Variants in PLAUR observed in about 807,000 individuals in gnomAD.
PLAUR encodes urokinase plasminogen activator surface receptor.
In PLAUR, 22 loss-of-function variants were observed where a neutral mutation model predicts 33.4. The observed-to-expected ratio is 0.66, with a 90% CI of 0.47 to 0.94. The LOEUF is 0.94. PLAUR is among the 40% of genes least tolerant of loss of function. The pLI, the probability that PLAUR is intolerant of heterozygous loss-of-function variation, is 0.00. For synonymous variants in PLAUR, 148 were observed against 167.3 expected, an observed-to-expected ratio of 0.88 and a Z score of 0.89; for missense variants, 408 against 434.7, an observed-to-expected ratio of 0.94 and a Z score of 0.55.
chr19:43,664,963 G>A (rs112216381), intron 3 of PLAUR: 1 of 286,400 alleles, frequency 3.5e-6, no homozygotes, highest in African/African-American at 2.1e-5. Flanking sequence ...AAGGATGAAA[G>A]TAATTGTGTC....
At chr19:43,657,785 A>C (rs1379909598) in intron 3 of PLAUR, among the ~76,000 whole-genome samples, 1 of 152,200 alleles carries the variant, frequency 6.6e-6, no homozygotes, top group Non-Finnish European at 1.5e-5. Flanking sequence ...TAAGATATTC[A>C]ATGCATATTT....
chr19:43,653,522 A>G (rs1220434485), intron 5 of PLAUR, among the ~76,000 whole-genome samples: 2 of 152,130 alleles, frequency 1.3e-5, no homozygotes, highest in Non-Finnish European at 2.9e-5. Flanking sequence ...ACGTCAGCAC[A>G]GCGGCTCATG....
At chr19:43,668,975 G>A (rs570047868) in intron 1 of PLAUR, among the ~76,000 whole-genome samples, 1 of 152,070 alleles carries the variant, frequency 6.6e-6, no homozygotes, top group East Asian at 1.9e-4. Flanking sequence ...CCAGTCCCTA[G>A]GCCCGGTCCC....
intron 1 of PLAUR, chr19:43,667,986 G>A (rs1035413353): frequency 8.1e-7 from 1 of 1,236,462 alleles, no homozygotes; most frequent in Non-Finnish European, 1.0e-6. Flanking sequence ...CCTGACAGTC[G>A]TATCCCCGCC....
At chr19:43,668,884 C>A (rs1057032149) in intron 1 of PLAUR, among the ~76,000 whole-genome samples, 1 of 151,498 alleles carries the variant, frequency 6.6e-6, no homozygotes, top group African/African-American at 2.4e-5. Flanking sequence ...TCCCGTAGCT[C>A]TTCCTTGAGG....
At chr19:43,668,887 C>T (rs180775081) in intron 1 of PLAUR, among the ~76,000 whole-genome samples, 3 of 151,912 alleles carry the variant, frequency 2.0e-5, no homozygotes, top group Admixed American at 1.3e-4. Context: ...CGTAGCTCTT[C>T]CTTGAGGTTC....
At chr19:43,646,662 T>G, downstream of PLAUR, 1 of 652,936 alleles carries the variant, frequency 1.5e-6, no homozygotes, top group South Asian at 1.7e-5. Flanking sequence ...TCACTCATAT[T>G]CAAGAGGCAG....
In PLAUR at chr19:43,669,925, A is replaced by G. The variant is rs1967451761; in HGVS notation, c.55+141T>C. 1.3e-5 allele frequency: 10 copies of G among 789,134 alleles called. No individual in the cohort carries two copies. In the South Asian group the frequency reaches 1.6e-4, roughly 12 times the overall value. The allele number at this position is 789,134 out of a possible 1,614,324, so 48.9% of individuals were successfully genotyped here. Reference sequence around the variant, plus strand: ...CAGGTACTGCGCCGCGTGGCGTTGCACAAAGCACGAGAATTACTATTATTT... The same window carrying G: ...CAGGTACTGCGCCGCGTGGCGTTGCGCAAAGCACGAGAATTACTATTATTT... On this transcript the variant is annotated intron_variant, in intron 1 of 6. Coordinates refer to ENST00000340093, the MANE Select transcript of PLAUR (RefSeq NM_002659.4).
At chr19:43,668,113 TCGATCTTTATGTTATAC>T in intron 1 of PLAUR, 1 of 1,009,756 alleles carries the variant, frequency 9.9e-7, no homozygotes, top group Non-Finnish European at 1.2e-6. Context: ...CCCACCCGCG[TCGATCTTTATGTTATAC>T]CGTCACTCCC....
downstream of PLAUR, among the ~76,000 whole-genome samples, chr19:43,647,938 C>CTTTT (rs564922094): frequency 1.6e-3 from 217 of 133,202 alleles, no homozygotes; most frequent in African/African-American, 5.2e-3. Context: ...TTAGAGAGCC[C>CTTTT]TTTTTTTTTT....
chr19:43,653,453 T>C (rs1974078368), intron 5 of PLAUR, among the ~76,000 whole-genome samples: 1 of 152,166 alleles, frequency 6.6e-6, no homozygotes, highest in African/African-American at 2.4e-5. Context: ...TAAGGGAGGA[T>C]ATTCATCTGC....
rs1335668371 is a variant in PLAUR, at chr19:43,667,673, C to A, written c.74G>T (p.Cys25Phe). 1 of 1,613,920 alleles carries A rather than the reference C, an allele frequency of 6.2e-7. No individual in the cohort carries two copies. Among genetic ancestry groups the A allele is most frequent in the Admixed American group, 1.7e-5 (1 of 60,018 alleles). Reference sequence around the variant, plus strand: ...ATCCCCGTTGGTCTTACACTGCATGCACCGCAGGCCCCAAGAGGCTGGGGG... The same window carrying A: ...ATCCCCGTTGGTCTTACACTGCATGAACCGCAGGCCCCAAGAGGCTGGGGG... Reference protein sequence around the residue: ...TCVPASWGLRCMQCKTNGDCR... With the variant: ...TCVPASWGLRFMQCKTNGDCR... Residue 25 changes from cysteine to phenylalanine, a missense_variant, in exon 2 of 7, where the codon TGC becomes TTC. By Grantham distance (205) the Cys-to-Phe change is radical. Coordinates refer to ENST00000340093, the MANE Select transcript of PLAUR (RefSeq NM_002659.4).
intron 3 of PLAUR, 78 bp from the exon 4 acceptor site, chr19:43,656,718 A>T: frequency 8.2e-7 from 1 of 1,217,448 alleles, no homozygotes; most frequent in East Asian, 2.5e-5. Flanking sequence ...ACTCACTCAA[A>T]ATCAATTCCT....
chr19:43,665,560 G>C, intron 2 of PLAUR, 101 bp from the exon 3 acceptor site: 1 of 1,174,960 alleles, frequency 8.5e-7, no homozygotes, highest in East Asian at 2.4e-5. Flanking sequence ...GCTGATCTCT[G>C]CTAGGCCTCT....
chr19:43,668,259 G>A (rs1967350458), intron 1 of PLAUR: 1 of 986,998 alleles, frequency 1.0e-6, no homozygotes, highest in South Asian at 4.5e-5. Context: ...GCCCTCCGGA[G>A]TTTCTATTGT....
chr19:43,663,125 T>A (rs1441714628), intron 3 of PLAUR, among the ~76,000 whole-genome samples: 1 of 152,090 alleles, frequency 6.6e-6, no homozygotes, highest in Non-Finnish European at 1.5e-5. Flanking sequence ...TCTTCCCTCA[T>A]CCCAGCCCTG....
Position 43,665,408 on chromosome 19 carries a change from G to T in PLAUR, c.218C>A (p.Thr73Asn), listed in dbSNP as rs753884538. 3.8e-5 allele frequency: 61 copies of T among 1,613,354 alleles called. No homozygotes were observed. Among genetic ancestry groups the T allele is most frequent in the Non-Finnish European group, 5.0e-5 (59 of 1,179,856 alleles). Residue 73 changes from threonine to asparagine, a missense_variant, in exon 3 of 7, where the codon ACC becomes AAC. By Grantham distance (65) the Thr-to-Asn change is moderately conservative. Coordinates refer to ENST00000340093, the MANE Select transcript of PLAUR (RefSeq NM_002659.4). The part of the protein sequence containing the change: ...VEKSCTHSEK[T>N]NRTLSYRTGL... Reference sequence around the variant, plus strand: ...AGTCCGATAGCTCAGGGTCCTGTTGGTCTTCTCTGAGTGGGTACAGCTTTT... The same window carrying T: ...AGTCCGATAGCTCAGGGTCCTGTTGTTCTTCTCTGAGTGGGTACAGCTTTT...
chr19:43,664,663 C>G (rs1215994515), intron 3 of PLAUR, among the ~76,000 whole-genome samples: 1 of 152,182 alleles, frequency 6.6e-6, no homozygotes, highest in Non-Finnish European at 1.5e-5. Flanking sequence ...CAGAGACCAT[C>G]TATTGCAGAG....
intron 3 of PLAUR, among the ~76,000 whole-genome samples, chr19:43,662,733 T>C (rs542897421): frequency 9.9e-5 from 15 of 151,794 alleles, no homozygotes; most frequent in African/African-American, 3.4e-4. Context: ...TTTTTTTTTT[T>C]TTGCAGGATC....
Sources: allele counts gnomAD v4.1 joint callset (sites outside exome capture counted in the v4.1 genomes callset), GRCh38; gene constraint gnomAD v4.1.1; transcripts MANE v1.5; gene names NCBI Gene and HGNC (gene_info 2026-07-23, HGNC 2026-07-21).